Variants in CHD7 observed in about 807,000 individuals in gnomAD.
CHD7 encodes ATP-dependent chromatin remodeler CHD7.
Under a neutral mutation model 307.3 loss-of-function variants are expected in CHD7, and 24 were observed. The ratio of observed to expected loss-of-function variants is 0.08; its 90% CI spans 0.06 to 0.11. The LOEUF (loss-of-function observed/expected upper bound fraction) is 0.11, where lower values mean the gene tolerates loss of function less well. Among genes scored for constraint, CHD7 ranks in the 10% least tolerant of loss-of-function variants. CHD7 has a pLI of 1.00. For synonymous variants in CHD7, 1,363 were observed against 1,349.9 expected (o/e 1.01, Z -0.21); for missense variants, 3,106 against 3,727.1 (o/e 0.83, Z 4.34).
chr8:60,745,104 C>T, intron 2 of CHD7, among the ~76,000 whole-genome samples: 1 of 152,014 alleles, frequency 6.6e-6, no homozygotes, highest in South Asian at 2.1e-4. Context: ...AACGCCTCTC[C>T]TCAAAGCGGA....
At chr8:60,810,639 A>G (rs114062269) in intron 7 of CHD7, among the ~76,000 whole-genome samples, 1,750 of 152,198 alleles carry the variant, frequency 0.011, 36 homozygotes, top group African/African-American at 0.039. Context: ...CCTAACATAT[A>G]TAGGAAGTGA....
chr8:60,811,474 G>A (rs1343388954), intron 7 of CHD7, among the ~76,000 whole-genome samples: 1 of 151,950 alleles, frequency 6.6e-6, no homozygotes, highest in Non-Finnish European at 1.5e-5. Flanking sequence ...CTACATCCTG[G>A]AAATCACTCT....
intron 2 of CHD7, among the ~76,000 whole-genome samples, chr8:60,760,844 G>A (rs1227018212): frequency 6.6e-6 from 1 of 152,004 alleles, no homozygotes. Context: ...TCAGGAAACA[G>A]GTGCTGGAGA....
chr8:60,811,875 A>G (rs1228488038), intron 7 of CHD7, among the ~76,000 whole-genome samples: 1 of 152,158 alleles, frequency 6.6e-6, no homozygotes, highest in African/African-American at 2.4e-5. Flanking sequence ...TTTGTAAGAA[A>G]TTGTATTTCA....
intron 1 of CHD7, among the ~76,000 whole-genome samples, chr8:60,731,036 G>T (rs1055961024): frequency 5.9e-5 from 9 of 152,118 alleles, no homozygotes; most frequent in African/African-American, 2.2e-4. Flanking sequence ...TGCCCATTCA[G>T]TCACTTTGTA....
chr8:60,742,249 C>T lies in CHD7; in HGVS notation c.817C>T (p.Pro273Ser), dbSNP rs1284559737. 11 of 1,613,766 alleles carry T rather than the reference C, an allele frequency of 6.8e-6. No individual in the cohort carries two copies. The Middle Eastern group carries it at 4.9e-4, about 72-fold the overall frequency. Residue 273 changes from proline (P) to serine (S), a missense_variant, in exon 2 of 38, where the codon CCC becomes TCC. This residue lies in a region of CHD7 where 998 missense variants were observed against 1,004.5 expected (regional missense o/e 0.99). Coordinates refer to ENST00000423902, the MANE Select transcript of CHD7 (RefSeq NM_017780.4). ...CCATGGAGAATCCGTTGCCCACAGT[C>T]CCAGATTCTCCCCGAATCCTCCCCA... The part of the protein sequence containing the change: ...ALHGESVAHS[P>S]RFSPNPPQQG...
In CHD7 at chr8:60,854,483, T is replaced by A. The variant is rs754175606; in HGVS notation, c.6896T>A (p.Leu2299His). The part of the protein sequence containing the change: ...MEDGDPSVAQ[L>H]LHERTFAFSF... ...GACGGAGATCCTTCAGTAGCTCAGC[T>A]CCTTCATGAAAGAACATTTGCCTTC... The change falls in exon 32 of 38, where the codon CTC becomes CAC. Residue 2299 changes from leucine to histidine, a missense_variant. Physicochemically the swap from Leu to His is moderately conservative, Grantham distance 99. This residue lies in a region of CHD7 where 1,030 missense variants were observed against 1,165.4 expected (regional missense o/e 0.88). Coordinates refer to ENST00000423902, the MANE Select transcript of CHD7 (RefSeq NM_017780.4). 1.2e-6 allele frequency: 2 copies of A among 1,607,558 alleles called. No homozygotes were observed.
At chr8:60,831,965 A>C (rs1804537427) in intron 15 of CHD7, among the ~76,000 whole-genome samples, 1 of 152,054 alleles carries the variant, frequency 6.6e-6, no homozygotes, top group Admixed American at 6.6e-5. Context: ...AGAGTGTTGC[A>C]CCTGGGATCA....
chr8:60,735,630 A>G (rs1808664262), intron 1 of CHD7, among the ~76,000 whole-genome samples: 1 of 152,254 alleles, frequency 6.6e-6, no homozygotes, highest in Admixed American at 6.5e-5. Flanking sequence ...AACATAAAAT[A>G]TGATATATGG....
chr8:60,773,082 T>G (rs180851803), intron 2 of CHD7, among the ~76,000 whole-genome samples: 2 of 152,318 alleles, frequency 1.3e-5, no homozygotes, highest in African/African-American at 4.8e-5. Flanking sequence ...ATAGGGTTAT[T>G]ATAGGAATCC....
intron 2 of CHD7, among the ~76,000 whole-genome samples, chr8:60,749,182 C>T (rs1809497656): frequency 6.6e-6 from 1 of 151,158 alleles, no homozygotes; most frequent in African/African-American, 2.4e-5. Context: ...ACTAGTCTGG[C>T]CAACATAGTG....
chr8:60,815,695 G>A (rs1235191659), intron 7 of CHD7, among the ~76,000 whole-genome samples: 1 of 152,184 alleles, frequency 6.6e-6, no homozygotes, highest in African/African-American at 2.4e-5. Flanking sequence ...ATTCACAGGG[G>A]ACCAAGGAAT....
chr8:60,741,313 A>G lies in CHD7; in HGVS notation c.-120A>G. Reference sequence around the variant, plus strand: ...CAGGGTCCAAGAGAATTAAAGAAATATGGAATGACATGAAGAAGATTAGTT... The same window carrying G: ...CAGGGTCCAAGAGAATTAAAGAAATGTGGAATGACATGAAGAAGATTAGTT... On this transcript the variant is annotated 5_prime_UTR_variant, in exon 2 of 38. It adds an upstream start codon to the 5' untranslated region. Coordinates refer to ENST00000423902, the MANE Select transcript of CHD7 (RefSeq NM_017780.4). 1.3e-6 allele frequency: 1 copy of G among 747,858 alleles called. No homozygotes were observed. The allele number at this position is 747,858 out of a possible 1,614,324, so 46.3% of individuals were successfully genotyped here.
intron 7 of CHD7, among the ~76,000 whole-genome samples, chr8:60,812,462 A>C (rs982693921): frequency 6.6e-6 from 1 of 152,136 alleles, no homozygotes; most frequent in East Asian, 1.9e-4. Context: ...CAGGAGCTTG[A>C]GACCAGCCTG....
At chr8:60,767,337 T>G (rs1197527149) in intron 2 of CHD7, among the ~76,000 whole-genome samples, 2 of 151,624 alleles carry the variant, frequency 1.3e-5, no homozygotes, top group African/African-American at 4.8e-5. Context: ...GAAGGTGAGG[T>G]AGAAGGATGT....
intron 7 of CHD7, among the ~76,000 whole-genome samples, chr8:60,815,958 T>C (rs1368988893): frequency 6.6e-6 from 1 of 152,220 alleles, no homozygotes; most frequent in Non-Finnish European, 1.5e-5. Flanking sequence ...TAAAAACCTA[T>C]TTCTCAATGA....
intron 7 of CHD7, among the ~76,000 whole-genome samples, chr8:60,815,170 G>A (rs1257934402): frequency 6.6e-6 from 1 of 152,134 alleles, no homozygotes; most frequent in East Asian, 1.9e-4. Flanking sequence ...AGGACTAAAT[G>A]AGTCCTATCT....
intron 1 of CHD7, among the ~76,000 whole-genome samples, chr8:60,682,045 C>T (rs1465726286): frequency 6.6e-6 from 1 of 152,026 alleles, no homozygotes; most frequent in Non-Finnish European, 1.5e-5. Context: ...AGTGGTTGTA[C>T]CGGTGATGTT....
At chr8:60,751,246 G>A (rs1488356880) in intron 2 of CHD7, among the ~76,000 whole-genome samples, 1 of 152,096 alleles carries the variant, frequency 6.6e-6, no homozygotes, top group Non-Finnish European at 1.5e-5. Context: ...TCATGAAATT[G>A]ACTCTCCAGG....
Sources: allele counts gnomAD v4.1 joint callset (sites outside exome capture counted in the v4.1 genomes callset), GRCh38; gene constraint gnomAD v4.1.1; regional missense constraint gnomAD v4.1.1; transcripts MANE v1.5; gene names NCBI Gene and HGNC (gene_info 2026-07-23, HGNC 2026-07-21).